The following LDLRAD4 variants were observed in gnomAD, a reference collection of about 807,000 sequenced individuals.
LDLRAD4 encodes the protein low-density lipoprotein receptor class A domain-containing protein 4.
Under a neutral mutation model 17.0 loss-of-function variants are expected in LDLRAD4, and 5 were observed. The ratio of observed to expected loss-of-function variants is 0.29; its 90% CI spans 0.15 to 0.62. The LOEUF is 0.62. Ranked by LOEUF, LDLRAD4 falls within the 20% of genes least tolerant of loss-of-function variation. The pLI is 0.84. For missense variants in LDLRAD4, 340 were observed against 424.7 expected (o/e 0.80, Z 1.75); for synonymous variants, 168 against 171.8 (o/e 0.98, Z 0.17).
In LDLRAD4 at chr18:13,543,764, C is replaced by T. The variant is rs551336242; in HGVS notation, c.182-77353C>T. 4.6e-5 allele frequency: 7 copies of T among 152,300 alleles called. 1 individual carries two copies. The East Asian group carries it at 1.4e-3, about 29-fold the overall frequency. The allele number at this position is 152,300 out of a possible 1,614,324, so 9.4% of individuals were successfully genotyped here. ...ACTCTAGCTCTGATCCAGATTCTGC[C>T]CTTTATCTCCTCTGTGCCCTTGGGA... On this transcript the variant is annotated intron_variant, in intron 3 of 5. Coordinates refer to ENST00000359446, the Ensembl canonical transcript of LDLRAD4.
intron 3 of LDLRAD4, among the ~76,000 whole-genome samples, chr18:13,445,550 CTA>C (rs919722476): frequency 2.2e-4 from 20 of 89,170 alleles, no homozygotes; most frequent in South Asian, 4.8e-4. Flanking sequence ...GTGTACATGT[CTA>C]TGTGTGTGTT....
chr18:13,442,575 C>A (rs910580212), intron 3 of LDLRAD4, among the ~76,000 whole-genome samples: 1 of 152,232 alleles, frequency 6.6e-6, no homozygotes, highest in Non-Finnish European at 1.5e-5. Flanking sequence ...GGCTGCACCT[C>A]CTGCCCTGGT....
chr18:13,489,871 A>C (rs1452099608), intron 3 of LDLRAD4: 1 of 152,214 alleles, frequency 6.6e-6, no homozygotes, highest in African/African-American at 2.4e-5. Flanking sequence ...CATGGGTTAG[A>C]AGAAGGAGGG....
At chr18:13,424,333 T>C (rs1432674008) in intron 2 of LDLRAD4, among the ~76,000 whole-genome samples, 2 of 152,152 alleles carry the variant, frequency 1.3e-5, no homozygotes, top group East Asian at 3.9e-4. Flanking sequence ...TTGTCCATCT[T>C]CTTCTTTAGC....
In LDLRAD4 at chr18:13,406,633, G is replaced by A. The variant is rs546539128; in HGVS notation, c.40+18871G>A. ...CTCATCATTCTGACTATCTCTGAGC[G>A]GGAGCTACAGTGGGAGTGGGCAGGC... is the stretch of plus-strand genomic sequence containing the variant. On this transcript the variant is annotated intron_variant, in intron 2 of 5. Coordinates refer to ENST00000359446, the Ensembl canonical transcript of LDLRAD4. Among the ~76,000 whole-genome samples the A allele has an allele frequency of 2.4e-4, 37 of 152,288 alleles. No homozygotes were observed. The East Asian group carries it at 4.2e-3, about 17-fold the overall frequency.
chr18:13,383,076 A>T (rs1423581686), intron 1 of LDLRAD4, among the ~76,000 whole-genome samples: 1 of 152,234 alleles, frequency 6.6e-6, no homozygotes, highest in African/African-American at 2.4e-5. Context: ...GGAGGGTCCC[A>T]GCCAAGCAGG....
intron 3 of LDLRAD4, among the ~76,000 whole-genome samples, chr18:13,501,833 G>C (rs1387010170): frequency 6.6e-6 from 1 of 151,908 alleles, no homozygotes; most frequent in Non-Finnish European, 1.5e-5. Context: ...TGTAATAACA[G>C]AGCTTTCATT....
intron 3 of LDLRAD4, among the ~76,000 whole-genome samples, chr18:13,502,165 C>T (rs2093624833): frequency 6.6e-6 from 1 of 152,214 alleles, no homozygotes; most frequent in African/African-American, 2.4e-5. Context: ...ATTGTCAGCT[C>T]TCCTGTGTTT....
intron 3 of LDLRAD4, among the ~76,000 whole-genome samples, chr18:13,580,697 C>T (rs537478988): frequency 6.6e-6 from 1 of 152,272 alleles, no homozygotes; most frequent in South Asian, 2.1e-4. Context: ...TCCCAGGTGA[C>T]TTGGCCGTGC....
chr18:13,493,756 T>C (rs2093405226), intron 3 of LDLRAD4, among the ~76,000 whole-genome samples: 1 of 152,178 alleles, frequency 6.6e-6, no homozygotes, highest in South Asian at 2.1e-4. Flanking sequence ...ATGGCCTCTT[T>C]ACTTCATCCG....
At chr18:13,380,820 C>G (rs1004128803) in intron 1 of LDLRAD4, among the ~76,000 whole-genome samples, 2 of 152,174 alleles carry the variant, frequency 1.3e-5, no homozygotes, top group East Asian at 1.9e-4. Flanking sequence ...CCCTGAACTA[C>G]ATTATGCTGA....
At chr18:13,258,123 G>C (rs2043607018) in intron 1 of LDLRAD4, among the ~76,000 whole-genome samples, 1 of 152,182 alleles carries the variant, frequency 6.6e-6, no homozygotes, top group South Asian at 2.1e-4. Flanking sequence ...CCAATATCTG[G>C]TTCCATTTCT....
At chr18:13,400,348 G>C (rs972504893) in intron 2 of LDLRAD4, among the ~76,000 whole-genome samples, 4 of 152,172 alleles carry the variant, frequency 2.6e-5, no homozygotes, top group Admixed American at 2.6e-4. Flanking sequence ...ACCTCCTTGT[G>C]TCTTTTTAAG....
At chr18:13,409,351 T>C (rs2088101408) in intron 2 of LDLRAD4, among the ~76,000 whole-genome samples, 1 of 152,150 alleles carries the variant, frequency 6.6e-6, no homozygotes, top group Admixed American at 6.5e-5. Flanking sequence ...GTAAAATGCT[T>C]AATTGCCCTC....
intron 3 of LDLRAD4, among the ~76,000 whole-genome samples, chr18:13,446,698 C>T (rs1600342756): frequency 6.6e-6 from 1 of 152,222 alleles, no homozygotes; most frequent in South Asian, 2.1e-4. Flanking sequence ...CCTGGGGAGG[C>T]GAGAGGCAGC....
chr18:13,469,113 C>G (rs1167025340), intron 3 of LDLRAD4, among the ~76,000 whole-genome samples: 1 of 150,798 alleles, frequency 6.6e-6, no homozygotes, highest in African/African-American at 2.4e-5. Flanking sequence ...ATGCAATGAC[C>G]AATAAACAAA....
At chr18:13,452,461 CAA>C (rs1468479004) in intron 3 of LDLRAD4, among the ~76,000 whole-genome samples, 1 of 152,030 alleles carries the variant, frequency 6.6e-6, no homozygotes, top group Non-Finnish European at 1.5e-5. Flanking sequence ...CCCCTGTGAG[CAA>C]GTCTCTGCGA....
chr18:13,461,665 A>G (rs2092435650), intron 3 of LDLRAD4, among the ~76,000 whole-genome samples: 2 of 152,166 alleles, frequency 1.3e-5, no homozygotes, highest in South Asian at 4.1e-4. Flanking sequence ...TGTACACCCT[A>G]TGTAAATTAA....
At chr18:13,609,530 CGTGTGTGTGTGTGT>C (rs72225166) in intron 3 of LDLRAD4, among the ~76,000 whole-genome samples, 2 of 149,440 alleles carry the variant, frequency 1.3e-5, no homozygotes, top group African/African-American at 2.5e-5. Context: ...TGTGTGTGTG[CGTGTGTGTGTGTGT>C]GTGTGTGTGT....
Sources: allele counts gnomAD v4.1 joint callset (sites outside exome capture counted in the v4.1 genomes callset), GRCh38; gene constraint gnomAD v4.1.1; transcripts MANE v1.5; gene names NCBI Gene and HGNC (gene_info 2026-07-23, HGNC 2026-07-21).